GABRG1: variants seen among roughly 807,000 people sequenced by gnomAD.
GABRG1 encodes the protein gamma-aminobutyric acid type A receptor subunit gamma1, also known as gamma-aminobutyric acid receptor subunit gamma-1.
A neutral mutation model predicts 49.8 loss-of-function variants in GABRG1; 49 were observed. That is an observed-to-expected ratio of 0.98 (90% CI 0.78 to 1.25). The LOEUF is 1.25. Ranked by LOEUF, GABRG1 falls within the 50% of genes most tolerant of loss-of-function variation. The pLI is 0.00. For missense variants in GABRG1, 552 were observed against 552.3 expected (o/e 1.00, Z 0.01); for synonymous variants, 232 against 185.1 (o/e 1.25, Z -2.06).
chr4:46,117,771 T>C (rs191148006), intron 1 of GABRG1, among the ~76,000 whole-genome samples: 175 of 140,322 alleles, frequency 1.2e-3, no homozygotes, highest in East Asian at 2.6e-3. Context: ...TACATATACA[T>C]ATATACATAC....
intron 8 of GABRG1, among the ~76,000 whole-genome samples, chr4:46,046,522 G>C (rs1718005827): frequency 6.6e-6 from 1 of 152,050 alleles, no homozygotes; most frequent in South Asian, 2.1e-4. Flanking sequence ...TTATAAGAAA[G>C]AATCTATAAG....
chr4:46,095,920 C>G (rs988253993), intron 2 of GABRG1, among the ~76,000 whole-genome samples: 3 of 151,650 alleles, frequency 2.0e-5, no homozygotes, highest in Non-Finnish European at 4.4e-5. Flanking sequence ...ATTTTCTCAC[C>G]CAGATATGAA....
chr4:46,046,654 G>A (rs571836728), intron 8 of GABRG1, among the ~76,000 whole-genome samples: 1 of 152,132 alleles, frequency 6.6e-6, no homozygotes, highest in African/African-American at 2.4e-5. Flanking sequence ...AGGAGCTGTG[G>A]GTGAGGACTG....
At chr4:46,120,818 T>G (rs1721071033) in intron 1 of GABRG1, among the ~76,000 whole-genome samples, 1 of 151,826 alleles carries the variant, frequency 6.6e-6, no homozygotes, top group African/African-American at 2.4e-5. Flanking sequence ...AAATTGTGAT[T>G]TTTTCCTGGA....
intron 1 of GABRG1, among the ~76,000 whole-genome samples, chr4:46,099,142 C>T (rs775966637): frequency 6.6e-6 from 1 of 151,666 alleles, no homozygotes; most frequent in African/African-American, 2.4e-5. Flanking sequence ...TTATGCTTCT[C>T]ACCCTACTAA....
intron 1 of GABRG1, among the ~76,000 whole-genome samples, chr4:46,099,080 G>A (rs186164318): frequency 1.1e-3 from 172 of 151,280 alleles, no homozygotes; most frequent in African/African-American, 3.9e-3. Context: ...TATCTTCCAC[G>A]GATTAATAAC....
At position 46,038,615 on chromosome 4, in the gene GABRG1, G is replaced by C. The variant is rs914130290; in HGVS notation, c.*2373C>G. On this transcript the variant is annotated 3_prime_UTR_variant, in exon 9 of 9. Coordinates refer to ENST00000295452, the MANE Select transcript of GABRG1 (RefSeq NM_173536.4). The stretch of plus-strand genomic sequence containing the variant: ...TACTTGGAATAGAGGAACAGGAAAT[G>C]AACTGAATCAGCTTTGAAAAAAAGC... 6 of 151,504 alleles carry C rather than the reference G, an allele frequency of 4.0e-5. No homozygotes were observed. The highest frequency in any genetic ancestry group is 1.4e-4 in the African/African-American group (6 of 41,382). The allele number at this position is 151,504 out of a possible 1,614,324, so 9.4% of individuals were successfully genotyped here.
At chr4:46,123,095 C>CATACAA (rs1468648188) in intron 1 of GABRG1, among the ~76,000 whole-genome samples, 1 of 125,108 alleles carries the variant, frequency 8.0e-6, no homozygotes, top group Non-Finnish European at 1.6e-5. Flanking sequence ...CTGTCCCATA[C>CATACAA]ACACAAACAC....
At chr4:46,093,986 A>G (rs1720089256) in intron 2 of GABRG1, among the ~76,000 whole-genome samples, 1 of 152,006 alleles carries the variant, frequency 6.6e-6, no homozygotes, top group Non-Finnish European at 1.5e-5. Context: ...ACCCAGATTA[A>G]ATTAATGTAG....
chr4:46,045,095 T>C (rs1024799975), intron 8 of GABRG1, among the ~76,000 whole-genome samples: 6 of 152,022 alleles, frequency 3.9e-5, no homozygotes, highest in African/African-American at 1.4e-4. Flanking sequence ...AGTTTTGAGG[T>C]AAGTGAACAA....
chr4:46,039,928 A>T lies in GABRG1; in HGVS notation c.*1060T>A, dbSNP rs1717690837. 6.6e-6 allele frequency: 1 copy of T among 151,788 alleles called. No homozygotes were observed. The highest frequency in any genetic ancestry group is 1.5e-5 in the Non-Finnish European group (1 of 67,812). The allele number at this position is 151,788 out of a possible 1,614,324, so 9.4% of individuals were successfully genotyped here. A position where few individuals can be genotyped will look rare whatever the true frequency, so the allele number is the denominator to read the frequency against. ...CAGGGTCCAAAACTTTGGAGCTGGAAGAGGCAATATGTAACGCAGGCCTAA... is the reference window on the plus strand; with the variant it reads ...CAGGGTCCAAAACTTTGGAGCTGGATGAGGCAATATGTAACGCAGGCCTAA... On this transcript the variant is annotated 3_prime_UTR_variant, in exon 9 of 9. Coordinates refer to ENST00000295452, the MANE Select transcript of GABRG1 (RefSeq NM_173536.4).
chr4:46,111,343 G>A (rs772106572), intron 1 of GABRG1, among the ~76,000 whole-genome samples: 5 of 150,932 alleles, frequency 3.3e-5, no homozygotes, highest in Non-Finnish European at 7.4e-5. Context: ...CAATTCAAAG[G>A]TGACTCAAAG....
intron 3 of GABRG1, among the ~76,000 whole-genome samples, chr4:46,075,066 G>T (rs1719273646): frequency 6.6e-6 from 1 of 151,462 alleles, no homozygotes; most frequent in African/African-American, 2.4e-5. Context: ...TAAAATATTA[G>T]AAATTAATAT....
rs755216385 is a variant in GABRG1, at chr4:46,114,762, G to T, written c.104+9048C>A. On this transcript the variant is annotated intron_variant, in intron 1 of 8. Coordinates refer to ENST00000295452, the MANE Select transcript of GABRG1 (RefSeq NM_173536.4). ...CTGTGGTCCTTAATTTAAAAATTAT[G>T]GTAGATAACCTAACATAAAGCTAAT... 3.7e-4 allele frequency among the ~76,000 whole-genome samples: 56 copies of T among 150,782 alleles called. 1 individual carries two copies. The highest frequency in any genetic ancestry group is 2.8e-3 in the Admixed American group (42 of 15,038).
At chr4:46,097,145 C>A (rs1430864510) in intron 2 of GABRG1, 56 bp downstream of exon 2, 1 of 1,373,328 alleles carries the variant, frequency 7.3e-7, no homozygotes, top group Non-Finnish European at 9.9e-7. Flanking sequence ...TAAAATAGTA[C>A]CAGTAATGAT....
intron 2 of GABRG1, among the ~76,000 whole-genome samples, chr4:46,085,538 T>A (rs1026651609): frequency 6.6e-6 from 1 of 151,558 alleles, no homozygotes; most frequent in Non-Finnish European, 1.5e-5. Context: ...CTGTTCACCA[T>A]TTTGTAAACT....
chr4:46,058,716 T>C, intron 5 of GABRG1, 94 bp from the exon 6 acceptor site: 1 of 914,088 alleles, frequency 1.1e-6, no homozygotes, highest in Non-Finnish European at 1.7e-6. Flanking sequence ...AACTTTCTCC[T>C]CTTTTTTTAT....
At chr4:46,065,323 A>G in intron 4 of GABRG1, 41 bp downstream of exon 4, 1 of 1,352,820 alleles carries the variant, frequency 7.4e-7, no homozygotes, top group South Asian at 1.3e-5. Context: ...TTAGTATGGA[A>G]AATAAATGAG....
At chr4:46,064,572 C>A in intron 4 of GABRG1, 49 bp from the exon 5 acceptor site, 1 of 928,140 alleles carries the variant, frequency 1.1e-6, no homozygotes, top group Non-Finnish European at 1.6e-6. Flanking sequence ...TAATTTGAAG[C>A]ATTAAAAATC....
Sources: allele counts gnomAD v4.1 joint callset (sites outside exome capture counted in the v4.1 genomes callset), GRCh38; gene constraint gnomAD v4.1.1; transcripts MANE v1.5; gene names NCBI Gene and HGNC (gene_info 2026-07-23, HGNC 2026-07-21).